The following URI1 variants were observed in gnomAD, a reference collection of about 807,000 sequenced individuals.
The protein encoded by URI1 is URI1 prefoldin like chaperone.
A neutral mutation model predicts 60.2 loss-of-function variants in URI1; 39 were observed. That is an observed-to-expected ratio of 0.65 (90% confidence interval 0.50 to 0.85). The LOEUF (loss-of-function observed/expected upper bound fraction) is 0.85. Ranked by LOEUF, URI1 falls within the 40% of genes least tolerant of loss-of-function variation. The pLI, the probability that URI1 is intolerant of heterozygous loss-of-function variation, is 0.00. For missense variants in URI1, 691 were observed against 665.9 expected, an observed-to-expected ratio of 1.04 and a Z score of -0.42; for synonymous variants, 251 against 236.8, an observed-to-expected ratio of 1.06 and a Z score of -0.55.
intron 2 of URI1, among the ~76,000 whole-genome samples, chr19:29,984,848 G>A (rs2055642722): frequency 1.3e-5 from 2 of 152,000 alleles, no homozygotes; most frequent in Non-Finnish European, 2.9e-5. Flanking sequence ...GAGGCCAGGT[G>A]CAGTGGCTCA....
intron 1 of URI1, among the ~76,000 whole-genome samples, chr19:29,943,883 C>T (rs1414208286): frequency 6.6e-6 from 1 of 151,704 alleles, no homozygotes; most frequent in African/African-American, 2.4e-5. Flanking sequence ...CCTGTAATCC[C>T]AGCTGCTTGG....
chr19:30,010,958 T>C (rs2056009731), intron 8 of URI1, 136 bp from the exon 9 acceptor site: 1 of 894,182 alleles, frequency 1.1e-6, no homozygotes, highest in Admixed American at 3.2e-5. Flanking sequence ...CATCTGATAA[T>C]GCACATCATT....
chr19:29,942,094 C>T (rs566170677), upstream of URI1: 186 of 428,412 alleles, frequency 4.3e-4, no homozygotes, highest in African/African-American at 4.0e-3. Flanking sequence ...CAGAGGGATA[C>T]AAACGCAGCC....
At chr19:30,001,738 G>A (rs1160051247) in intron 4 of URI1, among the ~76,000 whole-genome samples, 1 of 151,824 alleles carries the variant, frequency 6.6e-6, no homozygotes, top group Non-Finnish European at 1.5e-5. Context: ...TTTTTCTGTT[G>A]TGCAAAGTCC....
intron 8 of URI1, among the ~76,000 whole-genome samples, 193 bp from the exon 9 acceptor site, chr19:30,010,901 T>C (rs974085566): frequency 1.3e-5 from 2 of 152,194 alleles, no homozygotes; most frequent in Admixed American, 6.5e-5. Flanking sequence ...AAGAAGATTT[T>C]CTTTAGATGT....
chr19:29,942,298 C>A lies in URI1; in HGVS notation c.-250C>A, dbSNP rs1246093342. On this transcript the variant is annotated 5_prime_UTR_variant, in exon 1 of 11. Coordinates refer to ENST00000392271, the MANE Select transcript of URI1 (RefSeq NM_003796.3). ...CTGGGCCCGCACCGGAGAGGCGTCT[C>A]GGTACCTGGCAGGCGGCCTGCTACT... 4.1e-6 allele frequency: 4 copies of A among 985,072 alleles called. No individual in the cohort carries two copies. The African/African-American group carries it at 7.0e-5, about 17-fold the overall frequency. The allele number at this position is 985,072 out of a possible 1,614,324, so 61.0% of individuals were successfully genotyped here.
At chr19:29,953,911 G>T (rs1262070564) in intron 1 of URI1, among the ~76,000 whole-genome samples, 1 of 151,922 alleles carries the variant, frequency 6.6e-6, no homozygotes, top group East Asian at 1.9e-4. Context: ...GCCTCTAAGA[G>T]AAGATAAAAG....
intron 1 of URI1, among the ~76,000 whole-genome samples, chr19:29,936,754 T>C (rs1016532438): frequency 3.9e-5 from 6 of 152,150 alleles, no homozygotes; most frequent in African/African-American, 1.4e-4. Context: ...CTGTTCATTT[T>C]TCCTTTTCTT....
chr19:29,993,459 AC>A (rs1213464728), intron 4 of URI1, among the ~76,000 whole-genome samples: 1 of 152,210 alleles, frequency 6.6e-6, no homozygotes, highest in African/African-American at 2.4e-5. Context: ...TCCCAAACTT[AC>A]TTGATTTTGA....
intron 1 of URI1, chr19:29,923,867 G>T (rs2054843074): frequency 9.1e-7 from 1 of 1,102,618 alleles, no homozygotes; most frequent in Middle Eastern, 2.0e-4. Flanking sequence ...GATACAGATG[G>T]CGCTGTAGAC....
chr19:29,931,866 G>C (rs2054920306), intron 1 of URI1, among the ~76,000 whole-genome samples: 1 of 149,178 alleles, frequency 6.7e-6, no homozygotes, highest in Non-Finnish European at 1.5e-5. Context: ...CTTGTGTGTT[G>C]ATTTTGTATC....
At chr19:29,981,077 G>C (rs948749317) in intron 2 of URI1, among the ~76,000 whole-genome samples, 6 of 151,038 alleles carry the variant, frequency 4.0e-5, no homozygotes, top group African/African-American at 1.2e-4. Flanking sequence ...TTTATCACTG[G>C]CCTCAAAGGA....
intron 1 of URI1, among the ~76,000 whole-genome samples, chr19:29,924,532 T>C (rs1387353403): frequency 6.6e-6 from 1 of 152,184 alleles, no homozygotes; most frequent in African/African-American, 2.4e-5. Flanking sequence ...TTCTGAGGAA[T>C]TCCCTCCCTC....
chr19:29,955,324 A>G (rs2055231842), intron 1 of URI1, among the ~76,000 whole-genome samples: 1 of 152,030 alleles, frequency 6.6e-6, no homozygotes, highest in Non-Finnish European at 1.5e-5. Context: ...TATTCAGCTG[A>G]TATCTTATTG....
intron 2 of URI1, among the ~76,000 whole-genome samples, chr19:29,972,401 G>T (rs945703551): frequency 2.0e-5 from 3 of 152,064 alleles, no homozygotes; most frequent in South Asian, 2.1e-4. Flanking sequence ...GTTGGCCAAA[G>T]AATTTTTTCC....
At chr19:29,928,020 C>T (rs926771030) in intron 1 of URI1, among the ~76,000 whole-genome samples, 5 of 152,064 alleles carry the variant, frequency 3.3e-5, no homozygotes, top group East Asian at 3.9e-4. Context: ...ACTCAACAGG[C>T]GTGCTGCAAA....
intron 2 of URI1, 122 bp from the exon 3 acceptor site, chr19:29,985,101 C>T (rs188130681): frequency 1.2e-5 from 10 of 840,540 alleles, no homozygotes; most frequent in Middle Eastern, 4.2e-4. Context: ...GCCTGGGCGA[C>T]GGAGCGACAC....
At chr19:29,938,766 T>G (rs1038816723), upstream of URI1, among the ~76,000 whole-genome samples, 26 of 152,098 alleles carry the variant, frequency 1.7e-4, no homozygotes, top group South Asian at 6.2e-4. Flanking sequence ...AAGCTCTGCC[T>G]CCCGGGTTCA....
At position 29,956,890 on chromosome 19, in the gene URI1, G is replaced by A. The variant is rs2055255670; in HGVS notation, c.117+14226G>A. ...TGATGTGATTGAAGTCCTTCCGCAG[G>A]GTTCCTCTGGGGCCCTTTATGATAA... On this transcript the variant is annotated intron_variant, in intron 1 of 10. Transcript: ENST00000392271. 1.3e-5 allele frequency: 17 copies of A among 1,325,394 alleles called. 2 individuals are homozygous for A. In the South Asian group the frequency reaches 2.0e-4, roughly 16 times the overall value. The allele number at this position is 1,325,394 out of a possible 1,614,324, so 82.1% of individuals were successfully genotyped here. A position where few individuals can be genotyped will look rare whatever the true frequency, so the allele number is the denominator to read the frequency against.
Sources: allele counts gnomAD v4.1 joint callset (sites outside exome capture counted in the v4.1 genomes callset), GRCh38; gene constraint gnomAD v4.1.1; transcripts MANE v1.5; gene names NCBI Gene and HGNC (gene_info 2026-07-23, HGNC 2026-07-21).